The following PDE4B variants were observed in gnomAD, a reference collection of about 807,000 sequenced individuals.
PDE4B encodes 3',5'-cyclic-AMP phosphodiesterase 4B.
A neutral mutation model predicts 82.2 loss-of-function variants in PDE4B; 20 were observed. The ratio of observed to expected loss-of-function variants is 0.24; its 90% CI spans 0.17 to 0.35. The LOEUF (loss-of-function observed/expected upper bound fraction) is 0.35, where lower values mean the gene tolerates loss of function less well. PDE4B is among the 10% of genes least tolerant of loss of function. PDE4B has a pLI of 1.00. For missense variants in PDE4B, 655 were observed against 907.2 expected (o/e 0.72, Z 3.57); for synonymous variants, 320 against 318.9 (o/e 1.00, Z -0.04).
At chr1:65,968,842 A>G (rs1649984638) in intron 3 of PDE4B, among the ~76,000 whole-genome samples, 1 of 152,146 alleles carries the variant, frequency 6.6e-6, no homozygotes, top group African/African-American at 2.4e-5. Context: ...AGTGAGTCAT[A>G]TTGTCATGTA....
chr1:65,958,764 G>GCGCA (rs1553125473), intron 3 of PDE4B, among the ~76,000 whole-genome samples: 13 of 150,922 alleles, frequency 8.6e-5, no homozygotes, highest in Non-Finnish European at 1.5e-4. Context: ...GCGCGCGCGC[G>GCGCA]CACACACATA....
intron 2 of PDE4B, 61 bp downstream of exon 2, chr1:65,913,417 TC>T: frequency 6.5e-7 from 1 of 1,539,764 alleles, no homozygotes. Flanking sequence ...ACTGGATAAT[TC>T]TATTCAAAGG....
intron 6 of PDE4B, among the ~76,000 whole-genome samples, chr1:66,258,530 A>G (rs986193040): frequency 6.6e-6 from 1 of 152,322 alleles, no homozygotes; most frequent in South Asian, 2.1e-4. Context: ...TTAAAACAGT[A>G]TCACAAAGGT....
At chr1:66,212,217 C>T (rs190914421) in intron 3 of PDE4B, among the ~76,000 whole-genome samples, 12 of 152,338 alleles carry the variant, frequency 7.9e-5, no homozygotes, top group Non-Finnish European at 4.4e-5. Context: ...GTCACAGAAT[C>T]TGCTTACAGT....
intron 7 of PDE4B, among the ~76,000 whole-genome samples, chr1:66,319,581 T>C (rs1405414216): frequency 6.6e-6 from 1 of 152,228 alleles, no homozygotes; most frequent in Non-Finnish European, 1.5e-5. Flanking sequence ...TCAAGAGCAC[T>C]GAACTTGGAG....
intron 16 of PDE4B, among the ~76,000 whole-genome samples, chr1:66,370,654 C>T (rs551524102): frequency 1.8e-4 from 28 of 152,308 alleles, no homozygotes; most frequent in Admixed American, 4.6e-4. Flanking sequence ...ACAGCTCTCT[C>T]GTCCTGTGAT....
At chr1:66,002,314 G>GT (rs78317135) in intron 3 of PDE4B, among the ~76,000 whole-genome samples, 6,122 of 152,080 alleles carry the variant, frequency 0.04, 486 homozygotes, top group East Asian at 0.36. Flanking sequence ...TATAAGTCAT[G>GT]TATCAATAAA....
intron 3 of PDE4B, among the ~76,000 whole-genome samples, chr1:65,966,657 G>T (rs565966940): frequency 3.9e-5 from 6 of 152,188 alleles, no homozygotes; most frequent in Middle Eastern, 3.4e-3. Flanking sequence ...ATACTACAAG[G>T]TTACAGTAAC....
At position 66,363,561 on chromosome 1, in the gene PDE4B, C is replaced by T; in HGVS notation, c.1274C>T (p.Pro425Leu). The T allele has an allele frequency of 3.7e-6, 6 of 1,611,736 alleles. No homozygotes were observed. The highest frequency in any genetic ancestry group is 5.1e-6 in the Non-Finnish European group (6 of 1,179,094). The change falls in exon 12 of 17, where the codon CCA (proline) becomes CTA (leucine). Residue 425 changes from proline to leucine, a missense_variant. Coordinates refer to ENST00000341517, the MANE Select transcript of PDE4B (RefSeq NM_002600.4). Reference protein sequence around the residue: ...AQSTHVLLSTPALDAVFTDLE... With the variant: ...AQSTHVLLSTLALDAVFTDLE... ...TCGACCCATGTTCTCCTTTCTACACCAGCATTAGACGTGAGTAATTATGAC... is the reference window on the plus strand; with the variant it reads ...TCGACCCATGTTCTCCTTTCTACACTAGCATTAGACGTGAGTAATTATGAC...
At chr1:66,242,626 G>A (rs1001086802) in intron 3 of PDE4B, among the ~76,000 whole-genome samples, 16 of 152,170 alleles carry the variant, frequency 1.1e-4, no homozygotes, top group Non-Finnish European at 1.5e-5. Context: ...CCACCCTGGG[G>A]ACAATTGCAG....
chr1:66,136,139 A>G (rs189254486), intron 3 of PDE4B, among the ~76,000 whole-genome samples: 1 of 151,952 alleles, frequency 6.6e-6, no homozygotes, highest in East Asian at 1.9e-4. Context: ...CATCCCTCCC[A>G]CTCACCATGC....
intron 3 of PDE4B, among the ~76,000 whole-genome samples, chr1:66,119,911 C>T (rs1041759517): frequency 9.9e-5 from 15 of 152,094 alleles, no homozygotes; most frequent in Admixed American, 9.8e-4. Context: ...ATGCCATCTA[C>T]AAGCCATGGA....
intron 3 of PDE4B, among the ~76,000 whole-genome samples, chr1:66,247,124 GT>G (rs762032908): frequency 1.3e-5 from 2 of 152,122 alleles, no homozygotes; most frequent in Non-Finnish European, 2.9e-5. Flanking sequence ...CCAAGTTGTT[GT>G]ATGCCTGGCA....
At chr1:65,958,331 A>G (rs1649363495) in intron 3 of PDE4B, among the ~76,000 whole-genome samples, 1 of 152,050 alleles carries the variant, frequency 6.6e-6, no homozygotes, top group Non-Finnish European at 1.5e-5. Flanking sequence ...AACTTGGTCA[A>G]GATATATTAT....
chr1:66,202,415 T>C (rs1316997746), intron 3 of PDE4B, among the ~76,000 whole-genome samples: 1 of 152,184 alleles, frequency 6.6e-6, no homozygotes, highest in Non-Finnish European at 1.5e-5. Flanking sequence ...TAACTTTCTG[T>C]CTCGTTGATC....
chr1:66,345,400 TC>T (rs1661318393), intron 8 of PDE4B, among the ~76,000 whole-genome samples: 1 of 152,202 alleles, frequency 6.6e-6, no homozygotes, highest in Non-Finnish European at 1.5e-5. Context: ...AGAAAGACCT[TC>T]TTTTATTACC....
At chr1:66,192,261 T>C (rs1647883142) in intron 3 of PDE4B, among the ~76,000 whole-genome samples, 1 of 152,172 alleles carries the variant, frequency 6.6e-6, no homozygotes. Context: ...ATCAGGCAGA[T>C]AAGCAAATAA....
At chr1:66,202,617 C>T (rs28837184) in intron 3 of PDE4B, among the ~76,000 whole-genome samples, 71,634 of 149,542 alleles carry the variant, frequency 0.48, 17,862 homozygotes, top group South Asian at 0.62. Flanking sequence ...TTCTTTGTCT[C>T]TTTTGATCTT....
intron 3 of PDE4B, among the ~76,000 whole-genome samples, chr1:66,017,511 G>A (rs536554963): frequency 5.1e-4 from 78 of 152,254 alleles, no homozygotes; most frequent in African/African-American, 1.8e-3. Flanking sequence ...TAGACAACTG[G>A]TTTTGAGTCA....
Sources: gnomAD v4.1 joint callset for allele counts (sites outside exome capture counted in the v4.1 genomes callset) on GRCh38, gnomAD v4.1.1 for gene constraint, MANE v1.5 for transcripts, NCBI Gene and HGNC (gene_info 2026-07-23, HGNC 2026-07-21) for gene names.